Variants in MINK1 observed in about 807,000 individuals in gnomAD.
The protein encoded by MINK1 is misshapen-like kinase 1.
Under a neutral mutation model 178.4 loss-of-function variants are expected in MINK1, and 46 were observed. The ratio of observed to expected loss-of-function variants is 0.26; its 90% CI spans 0.20 to 0.33. The LOEUF (loss-of-function observed/expected upper bound fraction) is 0.33, where lower values mean the gene tolerates loss of function less well. Among genes scored for constraint, MINK1 ranks in the 10% least tolerant of loss-of-function variants. The probability of loss-of-function intolerance (pLI) is 1.00; values close to 1 mark genes in which losing one functional copy is unlikely to be tolerated. For synonymous variants in MINK1, 797 were observed against 709.7 expected (o/e 1.12, Z -1.96); for missense variants, 1,366 against 1,814.9 (o/e 0.75, Z 4.49).
In MINK1 at chr17:4,885,372, C is replaced by T. The variant is rs1968110196; in HGVS notation, c.509-111C>T. On this transcript the variant is annotated intron_variant, in intron 6 of 31. Transcript: ENST00000355280. The surrounding 1 kb of genome is among the most constrained non-coding windows in gnomAD (Gnocchi z 5.0). ...AAGGAGGGTGCTGGGGTGTCTGGGT[C>T]GGGCCAGGACCACAGCTGGCTCAGG... 7 of 1,426,376 alleles carry T rather than the reference C, an allele frequency of 4.9e-6. No individual in the cohort carries two copies. Among genetic ancestry groups the T allele is most frequent in the Middle Eastern group, 2.3e-4 (1 of 4,316 alleles). The allele number at this position is 1,426,376 out of a possible 1,614,324, so 88.4% of individuals were successfully genotyped here. A position where few individuals can be genotyped will look rare whatever the true frequency, so the allele number is the denominator to read the frequency against.
intron 2 of MINK1, among the ~76,000 whole-genome samples, chr17:4,879,258 G>T (rs1967480635): frequency 6.6e-6 from 1 of 152,206 alleles, no homozygotes; most frequent in Non-Finnish European, 1.5e-5. Flanking sequence ...TTGGATGGGG[G>T]GAGCTGCTCC....
intron 4 of MINK1, among the ~76,000 whole-genome samples, 152 bp downstream of exon 4, chr17:4,881,409 C>T (rs1311384202): frequency 1.3e-5 from 2 of 152,158 alleles, no homozygotes; most frequent in Non-Finnish European, 2.9e-5. Context: ...CCAGAGGGGC[C>T]TCCTGCCTCA....
chr17:4,894,578 T>C lies in MINK1; in HGVS notation c.2862T>C (p.Phe954=). 1.2e-6 allele frequency: 2 copies of C among 1,609,916 alleles called. No individual in the cohort carries two copies. Among genetic ancestry groups the C allele is most frequent in the South Asian group, 1.1e-5 (1 of 90,054 alleles). ...KAPGKSSFTM[F]VDLGIYQPGG... ...CTGGCAAGAGCTCGTTCACGATGTT[T>C]GTGGATCTAGGGATCTACCAGCCTG... Residue 954 remains phenylalanine (F), a synonymous_variant, in exon 24 of 32, where the codon TTT becomes TTC. Transcript: ENST00000355280. The surrounding 1 kb of genome is among the most constrained non-coding windows in gnomAD (Gnocchi z 4.1).
At chr17:4,892,926 T>G in intron 19 of MINK1, 53 bp from the exon 20 acceptor site, 6 of 1,482,182 alleles carry the variant, frequency 4.0e-6, no homozygotes, top group Non-Finnish European at 4.6e-6. Context: ...GGTGTGGGCT[T>G]GAGGCCATCC....
intron 2 of MINK1, 61 bp from the exon 3 acceptor site, chr17:4,880,923 G>C: frequency 1.4e-6 from 2 of 1,417,306 alleles, no homozygotes; most frequent in Middle Eastern, 1.9e-4. Flanking sequence ...GTGTCTCCTA[G>C]AGTCAAGCCC....
At chr17:4,865,264 C>G (rs1914764816) in intron 1 of MINK1, among the ~76,000 whole-genome samples, 2 of 147,938 alleles carry the variant, frequency 1.4e-5, no homozygotes, top group Admixed American at 1.3e-4. Flanking sequence ...ACCTCCGTCT[C>G]TACTAAAAAC....
Position 4,891,729 on chromosome 17 carries a change from C to A in MINK1, c.2001+13C>A. 6.3e-7 allele frequency: 1 copy of A among 1,593,800 alleles called. No individual in the cohort carries two copies. Among genetic ancestry groups the A allele is most frequent in the Admixed American group, 1.8e-5 (1 of 57,078 alleles). On this transcript the variant is annotated intron_variant, in intron 16 of 31. Coordinates refer to ENST00000355280, the MANE Select transcript of MINK1 (RefSeq NM_153827.5). ...GGCCCCACCCAAGGTAAGGACAGTT[C>A]TGCAGGCCCAGGGAAAAGCAGAGAG...
In MINK1 at chr17:4,896,168, C is replaced by T. The variant is rs776249383; in HGVS notation, c.3466-25C>T. The T allele has an allele frequency of 2.5e-6, 4 of 1,600,600 alleles. No individual in the cohort carries two copies. The highest frequency in any genetic ancestry group is 3.4e-6 in the Non-Finnish European group (4 of 1,172,766). ...AGCGCCTCTCCCCGTGCCCCTGAGC[C>T]CTCCTCTCCTCCGGTTCTCTGCAGT... On this transcript the variant is annotated intron_variant, in intron 28 of 31. Transcript: ENST00000355280. The surrounding 1 kb of genome is among the most constrained non-coding windows in gnomAD (Gnocchi z 4.6).
intron 1 of MINK1, among the ~76,000 whole-genome samples, chr17:4,846,828 C>G (rs543564488): frequency 1.1e-3 from 174 of 152,286 alleles, no homozygotes; most frequent in Admixed American, 3.7e-3. Context: ...GAGCCACAGG[C>G]TCGGCCCCAT....
At position 4,895,084 on chromosome 17, in the gene MINK1, G is replaced by T; in HGVS notation, c.2927G>T (p.Gly976Val). The T allele has an allele frequency of 6.2e-7, 1 of 1,613,544 alleles. No individual in the cohort carries two copies. The highest frequency in any genetic ancestry group is 8.5e-7 in the Non-Finnish European group (1 of 1,179,986). Residue 976 changes from glycine to valine, a missense_variant, in exon 25 of 32, where the codon GGT (glycine) becomes GTT (valine). By Grantham distance (109) the Gly-to-Val change is moderately radical. Coordinates refer to ENST00000355280, the MANE Select transcript of MINK1 (RefSeq NM_153827.5). This position sits in a 1 kb window ranked among gnomAD's most constrained non-coding sequence, Gnocchi z 4.3. ...GDSIPITALV[G>V]GEGTRLDQLQ... ...CTCCTCCTTCTGGCAGCCCTAGTGG[G>T]TGGAGAGGGCACTCGGCTCGACCAG...
chr17:4,883,833 C>T (rs1006341740), intron 4 of MINK1, among the ~76,000 whole-genome samples: 14 of 151,814 alleles, frequency 9.2e-5, no homozygotes, highest in South Asian at 6.2e-4. Flanking sequence ...CCTCCGCGCC[C>T]AGCCATAAAG....
At chr17:4,851,573 C>T (rs778022995) in intron 1 of MINK1, among the ~76,000 whole-genome samples, 6 of 152,184 alleles carry the variant, frequency 3.9e-5, no homozygotes, top group African/African-American at 4.8e-5. Flanking sequence ...CTTTCCACTG[C>T]GCTGAGCTCT....
At chr17:4,890,219 C>CCCCCGCAA in intron 13 of MINK1, 1 of 1,274,956 alleles carries the variant, frequency 7.8e-7, no homozygotes, top group Non-Finnish European at 1.0e-6. Context: ...CCCCGTCCCC[C>CCCCCGCAA]AGGAATATAT....
In MINK1 at chr17:4,896,095, G is replaced by T; in HGVS notation, c.3457G>T (p.Ala1153Ser). The stretch of plus-strand genomic sequence containing the variant: ...CCCCAAACCCTACCACAAATTCATG[G>T]CCTTCAAGGTAATCCCAGCCTCGGT... ...WAPKPYHKFM[A>S]FKSFADLPHR... The change falls in exon 28 of 32, where the codon GCC becomes TCC. Residue 1153 changes from alanine (A) to serine (S), a missense_variant. Coordinates refer to ENST00000355280, the MANE Select transcript of MINK1 (RefSeq NM_153827.5). This position sits in a 1 kb window ranked among gnomAD's most constrained non-coding sequence, Gnocchi z 4.6. The T allele has an allele frequency of 6.2e-7, 1 of 1,607,366 alleles. No homozygotes were observed. Among genetic ancestry groups the T allele is most frequent in the Non-Finnish European group, 8.5e-7 (1 of 1,176,984 alleles).
rs762139349 is a variant in MINK1, at chr17:4,895,501, TGTG to T, written c.3229+12_3229+14del. ...TGCTCATCACCATCTCAGGTACAGG[TGTG>T]GTGAGTGGGGGAGGGAGGAGGGGCT... is the stretch of plus-strand genomic sequence containing the variant. On this transcript the variant is annotated intron_variant, in intron 26 of 31. Transcript: ENST00000355280. The surrounding 1 kb of genome is among the most constrained non-coding windows in gnomAD (Gnocchi z 4.3). 9.6e-6 allele frequency: 15 copies of T among 1,569,652 alleles called. No homozygotes were observed. Among genetic ancestry groups the T allele is most frequent in the Admixed American group, 3.5e-5 (2 of 56,364 alleles).
intron 1 of MINK1, among the ~76,000 whole-genome samples, chr17:4,837,950 G>A (rs1017475880): frequency 2.0e-5 from 3 of 152,092 alleles, no homozygotes; most frequent in Non-Finnish European, 2.9e-5. Flanking sequence ...CTCTTCATGC[G>A]GCTGTGGAGC....
intron 31 of MINK1, 70 bp from the exon 32 acceptor site, chr17:4,897,134 C>T: frequency 1.6e-6 from 2 of 1,241,008 alleles, no homozygotes; most frequent in East Asian, 2.4e-5. Context: ...TTCTTCCCTT[C>T]TTTCCCTCTC....
intron 2 of MINK1, 106 bp from the exon 3 acceptor site, chr17:4,880,878 C>T (rs548710235): frequency 2.9e-5 from 33 of 1,146,098 alleles, no homozygotes; most frequent in African/African-American, 1.1e-4. Context: ...CTAGTCTGGG[C>T]GACAGAGCGA....
intron 21 of MINK1, 150 bp downstream of exon 21, chr17:4,893,747 C>T: frequency 8.4e-7 from 1 of 1,197,532 alleles, no homozygotes; most frequent in Non-Finnish European, 1.1e-6. Context: ...TCCTGTCTCT[C>T]TCCCGCTGCC....
Sources: allele counts gnomAD v4.1 joint callset (sites outside exome capture counted in the v4.1 genomes callset), GRCh38; gene constraint gnomAD v4.1.1; non-coding constraint Gnocchi (gnomAD v3.1); transcripts MANE v1.5; gene names NCBI Gene and HGNC (gene_info 2026-07-23, HGNC 2026-07-21).